Variants in PPP2R3A observed in about 807,000 individuals in gnomAD.
PPP2R3A encodes the protein protein phosphatase 2 regulatory subunit B''alpha.
Under a neutral mutation model 106.9 loss-of-function variants are expected in PPP2R3A, and 80 were observed. The observed-to-expected ratio is 0.75, with a 90% CI of 0.62 to 0.90. PPP2R3A has a LOEUF of 0.90. Ranked by LOEUF, PPP2R3A falls within the 40% of genes least tolerant of loss-of-function variation. PPP2R3A has a pLI of 0.00. For synonymous variants in PPP2R3A, 483 were observed against 468.3 expected (o/e 1.03, Z -0.41); for missense variants, 1,386 against 1,350.4 (o/e 1.03, Z -0.41).
chr3:136,041,262 G>T (rs13093113), intron 4 of PPP2R3A, among the ~76,000 whole-genome samples: 32,009 of 94,276 alleles, frequency 0.34, 6,789 homozygotes, highest in African/African-American at 0.59. Flanking sequence ...TTTTTTTTTT[G>T]TTTTTTTTTT....
rs756038189 is a variant in PPP2R3A, at chr3:136,026,902, G to A, written c.2066G>A (p.Arg689Gln). 20 of 1,612,620 alleles carry A rather than the reference G, an allele frequency of 1.2e-5. No homozygotes were observed. Among genetic ancestry groups the A allele is most frequent in the African/African-American group, 1.1e-4 (8 of 74,772 alleles). ...PPPATSPSSP[R>Q]PLSPVPHVNN... ...CCAGCCACCTCTCCAAGTAGTCCCC[G>A]ACCTCTCTCCCCGGTTCCCCATGTG... The change falls in exon 3 of 14, where the codon CGA becomes CAA. Residue 689 changes from arginine to glutamine, a missense_variant. Physicochemically the swap from Arg to Gln is conservative, Grantham distance 43. Coordinates refer to ENST00000264977, the MANE Select transcript of PPP2R3A (RefSeq NM_002718.5).
intron 2 of PPP2R3A, among the ~76,000 whole-genome samples, chr3:136,007,758 T>C (rs1288147074): frequency 1.3e-5 from 2 of 152,248 alleles, no homozygotes; most frequent in Non-Finnish European, 2.9e-5. Flanking sequence ...CTTTAAGGAA[T>C]ACCTATATAT....
intron 2 of PPP2R3A, among the ~76,000 whole-genome samples, chr3:136,011,785 C>T (rs1196724337): frequency 2.6e-5 from 4 of 152,194 alleles, no homozygotes; most frequent in African/African-American, 9.7e-5. Flanking sequence ...CTGTCATCCC[C>T]TCTCATGGAT....
In PPP2R3A at chr3:136,105,574, T is replaced by C. The variant is rs112386914; in HGVS notation, c.3223-642T>C. On this transcript the variant is annotated intron_variant, in intron 12 of 13. Transcript: ENST00000264977. ...CAGTAGGCTGAGGCAGGAGAATCAC[T>C]TGAGCCCAGATTCTGAGGTTAGCAG... is the stretch of plus-strand genomic sequence containing the variant. 9.8e-3 allele frequency among the ~76,000 whole-genome samples: 1,490 copies of C among 152,214 alleles called. 15 individuals carry two copies. Among genetic ancestry groups the C allele is most frequent in the African/African-American group, 0.034 (1,430 of 41,512 alleles).
At chr3:136,106,100 A>C (rs574349514) in intron 12 of PPP2R3A, 116 bp from the exon 13 acceptor site, 1 of 864,450 alleles carries the variant, frequency 1.2e-6, no homozygotes, top group African/African-American at 1.7e-5. Flanking sequence ...AACCTGTTGA[A>C]ATGAAACATT....
rs1314390793 is a variant in PPP2R3A, at chr3:136,001,209, A to T, written c.-290A>T. 2.2e-6 allele frequency: 1 copy of T among 448,016 alleles called. No individual in the cohort carries two copies. The highest frequency in any genetic ancestry group is 3.9e-6 in the Non-Finnish European group (1 of 256,650). 27.8% of individuals were successfully genotyped at this position (448,016 alleles called of 1,614,324 possible). ...AGAACTGTTGAAGAACTAAAAGAGG[A>T]TATTCTTTCATCAAAATAATTCTGC... On this transcript the variant is annotated 5_prime_UTR_variant, in exon 2 of 14. Transcript: ENST00000264977.
At chr3:135,999,570 T>C (rs979262697) in intron 1 of PPP2R3A, among the ~76,000 whole-genome samples, 1 of 152,100 alleles carries the variant, frequency 6.6e-6, no homozygotes, top group Admixed American at 6.5e-5. Flanking sequence ...TTTTTTTAAC[T>C]CAAATGATTT....
intron 13 of PPP2R3A, among the ~76,000 whole-genome samples, chr3:136,112,318 T>C (rs561327952): frequency 6.6e-6 from 1 of 151,882 alleles, no homozygotes; most frequent in Non-Finnish European, 1.5e-5. Flanking sequence ...GAAAGAAAAC[T>C]CATCAAAATA....
chr3:136,029,007 C>G (rs1934766499), intron 3 of PPP2R3A, among the ~76,000 whole-genome samples: 1 of 152,174 alleles, frequency 6.6e-6, no homozygotes, highest in African/African-American at 2.4e-5. Context: ...CATGCACCAC[C>G]ATGCCCGGCT....
chr3:136,014,143 T>G (rs1196588708), intron 2 of PPP2R3A, among the ~76,000 whole-genome samples: 3 of 152,168 alleles, frequency 2.0e-5, no homozygotes, highest in Non-Finnish European at 4.4e-5. Context: ...AAGGATCAGT[T>G]GGTTGTAAGT....
chr3:135,969,634 G>T (rs1937185771), intron 1 of PPP2R3A, among the ~76,000 whole-genome samples: 1 of 152,222 alleles, frequency 6.6e-6, no homozygotes, highest in Non-Finnish European at 1.5e-5. Context: ...TAAATTAAAG[G>T]CTGTGGATGA....
chr3:136,081,160 T>C (rs575103144), intron 7 of PPP2R3A, among the ~76,000 whole-genome samples: 63 of 151,872 alleles, frequency 4.1e-4, no homozygotes, highest in Middle Eastern at 3.4e-3. Flanking sequence ...ACCCAGCTAA[T>C]ATTTGTATTT....
In PPP2R3A at chr3:135,965,825, C is replaced by CGGA. The variant is rs1396850369; in HGVS notation, c.-457_-455dup. On this transcript the variant is annotated 5_prime_UTR_variant, in exon 1 of 14. Coordinates refer to ENST00000264977, the MANE Select transcript of PPP2R3A (RefSeq NM_002718.5). ...AAGCGCTGCCCGCGAGCTGAGCCGC[C>CGGA]GGAGGAGGAGCCGCGGGCAACGAGG... 6.6e-6 allele frequency: 1 copy of CGGA among 152,176 alleles called. No homozygotes were observed. The highest frequency in any genetic ancestry group is 2.4e-5 in the African/African-American group (1 of 41,418). The allele number at this position is 152,176 out of a possible 1,614,324, so 9.4% of individuals were successfully genotyped here.
Position 136,002,890 on chromosome 3 carries a change from A to G in PPP2R3A, c.1392A>G (p.Pro464=), listed in dbSNP as rs2107790620. ...HATHLKKCPT[P]MQNEIGKIFE... is the part of the protein sequence containing the mutation. The stretch of plus-strand genomic sequence containing the variant: ...CTCATCTTAAAAAATGCCCCACCCC[A>G]ATGCAAAATGAAATTGGTAAGATAT... Residue 464 remains proline (P), a synonymous_variant, in exon 2 of 14, where the codon CCA becomes CCG. Coordinates refer to ENST00000264977, the MANE Select transcript of PPP2R3A (RefSeq NM_002718.5). 6.2e-7 allele frequency: 1 copy of G among 1,612,916 alleles called. No homozygotes were observed. Among genetic ancestry groups the G allele is most frequent in the African/African-American group, 1.3e-5 (1 of 74,918 alleles).
chr3:136,144,977 C>T, intron 13 of PPP2R3A, 66 bp from the exon 14 acceptor site: 1 of 1,549,558 alleles, frequency 6.5e-7, no homozygotes, highest in East Asian at 2.3e-5. Flanking sequence ...TCGGATTTGC[C>T]ATATTGATTT....
chr3:136,011,049 G>T (rs1411352879), intron 2 of PPP2R3A, among the ~76,000 whole-genome samples: 1 of 151,922 alleles, frequency 6.6e-6, no homozygotes, highest in Non-Finnish European at 1.5e-5. Flanking sequence ...AAATATACCA[G>T]ACATATTCCC....
At chr3:136,074,757 T>G (rs1319111502) in intron 6 of PPP2R3A, among the ~76,000 whole-genome samples, 1 of 152,188 alleles carries the variant, frequency 6.6e-6, no homozygotes, top group Non-Finnish European at 1.5e-5. Context: ...ATTTTCCTTG[T>G]GGAGGGCAAG....
intron 6 of PPP2R3A, among the ~76,000 whole-genome samples, chr3:136,073,029 A>G (rs1936483487): frequency 6.6e-6 from 1 of 152,060 alleles, no homozygotes; most frequent in Admixed American, 6.6e-5. Flanking sequence ...GTGCAGTGGC[A>G]CGGTCTCGGC....
At chr3:136,116,532 A>C (rs1937768213) in intron 13 of PPP2R3A, among the ~76,000 whole-genome samples, 1 of 152,216 alleles carries the variant, frequency 6.6e-6, no homozygotes, top group African/African-American at 2.4e-5. Context: ...CTCAAAAGTA[A>C]AAGGATGGAG....
Sources: allele counts gnomAD v4.1 joint callset (sites outside exome capture counted in the v4.1 genomes callset), GRCh38; gene constraint gnomAD v4.1.1; transcripts MANE v1.5; gene names NCBI Gene and HGNC (gene_info 2026-07-23, HGNC 2026-07-21).